Variants in OXNAD1 observed in about 807,000 individuals in gnomAD.
OXNAD1 encodes oxidoreductase NAD-binding domain-containing protein 1.
Under a neutral mutation model 32.9 loss-of-function variants are expected in OXNAD1, and 34 were observed. That is an observed-to-expected ratio of 1.03 (90% CI 0.79 to 1.38). OXNAD1 has a LOEUF of 1.38. OXNAD1 is among the 40% of genes most tolerant of loss of function. The pLI, the probability that OXNAD1 is intolerant of heterozygous loss-of-function variation, is 0.00. For missense variants in OXNAD1, 407 were observed against 379.4 expected (o/e 1.07, Z -0.60); for synonymous variants, 134 against 135.2 (o/e 0.99, Z 0.06).
intron 4 of OXNAD1, among the ~76,000 whole-genome samples, chr3:16,274,514 C>G (rs1200936173): frequency 6.6e-6 from 1 of 152,072 alleles, no homozygotes; most frequent in Admixed American, 6.5e-5. Flanking sequence ...GAGGATAATG[C>G]AATAGTTAAT....
chr3:16,331,352 C>T (rs937340632), intron 9 of OXNAD1, among the ~76,000 whole-genome samples: 2 of 152,194 alleles, frequency 1.3e-5, no homozygotes, highest in African/African-American at 4.8e-5. Flanking sequence ...CTCCCATAAA[C>T]ATTTCTTATT....
At chr3:16,283,706 G>A (rs2065900068) in intron 4 of OXNAD1, among the ~76,000 whole-genome samples, 1 of 152,160 alleles carries the variant, frequency 6.6e-6, no homozygotes, top group African/African-American at 2.4e-5. Flanking sequence ...ACCTGGAGTG[G>A]TAGAGGCAGT....
chr3:16,270,708 G>A (rs2064863479), intron 2 of OXNAD1, among the ~76,000 whole-genome samples: 1 of 152,090 alleles, frequency 6.6e-6, no homozygotes, highest in Non-Finnish European at 1.5e-5. Flanking sequence ...ATGAATATTT[G>A]ATAATACCAA....
At chr3:16,347,650 T>A (rs2071821445) in intron 9 of OXNAD1, 1 of 152,188 alleles carries the variant, frequency 6.6e-6, no homozygotes, top group Non-Finnish European at 1.5e-5. Flanking sequence ...GTACACCACC[T>A]CCTCTCTGGA....
chr3:16,319,495 T>C (rs1167206030), intron 9 of OXNAD1, among the ~76,000 whole-genome samples: 1 of 152,224 alleles, frequency 6.6e-6, no homozygotes, highest in Non-Finnish European at 1.5e-5. Context: ...CCCATTCATA[T>C]TGTATTTGAT....
rs772804707 is a variant in OXNAD1, at chr3:16,317,887, C to T, written c.*30+14295C>T. On this transcript the variant is annotated intron_variant, in intron 9 of 9. Transcript: ENST00000435829. The surrounding 1 kb of genome is among the most constrained non-coding windows in gnomAD (Gnocchi z 4.3). ...ATTTCCTGATCCCAATTTGGGATAA[C>T]GCAAATGCCATCCCAGCTCCAAGCC... 4.6e-5 allele frequency among the ~76,000 whole-genome samples: 7 copies of T among 152,182 alleles called. No homozygotes were observed. The highest frequency in any genetic ancestry group is 8.8e-5 in the Non-Finnish European group (6 of 68,028).
At chr3:16,273,644 C>T (rs895152969) in intron 4 of OXNAD1, among the ~76,000 whole-genome samples, 1 of 152,132 alleles carries the variant, frequency 6.6e-6, no homozygotes, top group African/African-American at 2.4e-5. Flanking sequence ...TCTCTTTGGC[C>T]TCCCAAAGTG....
In OXNAD1 at chr3:16,345,490, A is replaced by G. The variant is rs2071594756; in HGVS notation, c.*31-3686A>G. Among the ~76,000 whole-genome samples the G allele has an allele frequency of 6.6e-6, 1 of 152,204 alleles. No homozygotes were observed. Among genetic ancestry groups the G allele is most frequent in the South Asian group, 2.1e-4 (1 of 4,834 alleles). Reference sequence around the variant, plus strand: ...TGAATGGGTCAACTGAGTAGACCAGATGGCCCTCCCCAGTGTGGGTGGACA... The same window carrying G: ...TGAATGGGTCAACTGAGTAGACCAGGTGGCCCTCCCCAGTGTGGGTGGACA... On this transcript the variant is annotated intron_variant, in intron 9 of 9. Coordinates refer to the OXNAD1 transcript ENST00000606098. The surrounding 1 kb of genome is among the most constrained non-coding windows in gnomAD (Gnocchi z 5.2).
chr3:16,301,740 C>T lies in OXNAD1; in HGVS notation c.547C>T (p.Pro183Ser). The change falls in exon 7 of 9, where the codon CCT becomes TCT. Residue 183 changes from proline to serine, a missense_variant. Coordinates refer to ENST00000285083, the MANE Select transcript of OXNAD1 (RefSeq NM_138381.5). This position sits in a 1 kb window ranked among gnomAD's most constrained non-coding sequence, Gnocchi z 4.1. Reference protein sequence around the residue: ...VLIAGGVGINPLLSILRHAAD... With the variant: ...VLIAGGVGINSLLSILRHAAD... The stretch of plus-strand genomic sequence containing the variant: ...GATTGCAGGAGGAGTCGGAATTAAC[C>T]CTCTGCTTTCCATCCTGCGGCACGC... 1.2e-6 allele frequency: 2 copies of T among 1,614,002 alleles called. No individual in the cohort carries two copies. Among genetic ancestry groups the T allele is most frequent in the Non-Finnish European group, 1.7e-6 (2 of 1,179,984 alleles).
downstream of OXNAD1, among the ~76,000 whole-genome samples, chr3:16,308,548 CTTATT>C (rs796622054): frequency 4.0e-4 from 61 of 151,986 alleles, no homozygotes; most frequent in African/African-American, 2.4e-4. This position sits in a 1 kb window ranked among gnomAD's most constrained non-coding sequence, Gnocchi z 4.4. Context: ...GTTATTTCAT[CTTATT>C]TTATTTTAAA....
At chr3:16,270,699 T>C (rs2064862259) in intron 2 of OXNAD1, among the ~76,000 whole-genome samples, 2 of 152,218 alleles carry the variant, frequency 1.3e-5, no homozygotes, top group African/African-American at 4.8e-5. Flanking sequence ...ATAGAGAACA[T>C]GAATATTTGA....
At chr3:16,278,779 G>A (rs1212766495) in intron 4 of OXNAD1, among the ~76,000 whole-genome samples, 1 of 152,238 alleles carries the variant, frequency 6.6e-6, no homozygotes, top group Admixed American at 6.5e-5. Flanking sequence ...TGGCAGAGTG[G>A]TTAGTTAATA....
At chr3:16,273,954 A>G (rs1433921121) in intron 4 of OXNAD1, among the ~76,000 whole-genome samples, 2 of 152,084 alleles carry the variant, frequency 1.3e-5, no homozygotes, top group African/African-American at 4.8e-5. Context: ...CCACTTATCT[A>G]TAATTTCTTG....
rs941856484 is a variant in OXNAD1 at position 16,280,632 on chromosome 3, A to G, written c.184-5710A>G. ...TTTTTGTTTTAGGTCATCTCTAGTCATGGCTTTGCCTAAATTTTTAAGCCA... is the reference window on the plus strand; with the variant it reads ...TTTTTGTTTTAGGTCATCTCTAGTCGTGGCTTTGCCTAAATTTTTAAGCCA... On this transcript the variant is annotated intron_variant, in intron 4 of 8. Coordinates refer to ENST00000285083, the MANE Select transcript of OXNAD1 (RefSeq NM_138381.5). The surrounding 1 kb of genome is among the most constrained non-coding windows in gnomAD (Gnocchi z 4.5). 1.3e-5 allele frequency among the ~76,000 whole-genome samples: 2 copies of G among 152,200 alleles called. No individual in the cohort carries two copies. Among genetic ancestry groups the G allele is most frequent in the Non-Finnish European group, 2.9e-5 (2 of 68,034 alleles).
At chr3:16,350,018 A>G (rs2071985514) in exon 10 of OXNAD1, 1 of 152,230 alleles carries the variant, frequency 6.6e-6, no homozygotes, top group African/African-American at 2.4e-5. Context: ...TTACTCTTCT[A>G]CTGAGTGGAA....
In OXNAD1 at chr3:16,301,487, C is replaced by G. The variant is rs2292616; in HGVS notation, c.433-139C>G. The G allele has an allele frequency of 2.0e-6, 2 of 1,024,218 alleles. No homozygotes were observed. The highest frequency in any genetic ancestry group is 1.6e-5 in the African/African-American group (1 of 61,026). 63.4% of individuals were successfully genotyped at this position (1,024,218 alleles called of 1,614,324 possible). On this transcript the variant is annotated intron_variant, in intron 6 of 8. Transcript: ENST00000285083. The surrounding 1 kb of genome is among the most constrained non-coding windows in gnomAD (Gnocchi z 4.1). ...CAAGTGGAATCAATTCACAGGGCAT[C>G]GGGAAAATTGGGAGCAAGCTATAAA...
chr3:16,319,191 T>C (rs971233313), intron 9 of OXNAD1, among the ~76,000 whole-genome samples: 6 of 152,264 alleles, frequency 3.9e-5, no homozygotes, highest in African/African-American at 1.4e-4. Flanking sequence ...TATATCATTT[T>C]ACGTGTTTTT....
rs2068941355 is a variant in OXNAD1, at chr3:16,320,641, G to C, written c.*31-16471G>C. Among the ~76,000 whole-genome samples the C allele has an allele frequency of 6.6e-6, 1 of 152,242 alleles. No homozygotes were observed. Among genetic ancestry groups the C allele is most frequent in the South Asian group, 2.1e-4 (1 of 4,826 alleles). ...TTCCAGGGTAGTACAAAGGAGTCTG[G>C]TTTGGTATAAAAGGAGACAGCACTG... On this transcript the variant is annotated intron_variant, in intron 9 of 9. Transcript: ENST00000435829. The surrounding 1 kb of genome is among the most constrained non-coding windows in gnomAD (Gnocchi z 4.5).
At position 16,280,179 on chromosome 3, in the gene OXNAD1, C is replaced by A. The variant is rs1386403145; in HGVS notation, c.184-6163C>A. ...CTGCTGTTGTTGTTGTTACATGTTA[C>A]ATGAGGTGGGAGATCCTAGAGCTCG... is the stretch of plus-strand genomic sequence containing the variant. On this transcript the variant is annotated intron_variant, in intron 4 of 8. Transcript: ENST00000285083. The surrounding 1 kb of genome is among the most constrained non-coding windows in gnomAD (Gnocchi z 4.5). 1.3e-5 allele frequency among the ~76,000 whole-genome samples: 2 copies of A among 152,080 alleles called. No individual in the cohort carries two copies. Among genetic ancestry groups the A allele is most frequent in the Non-Finnish European group, 2.9e-5 (2 of 68,014 alleles).
Sources: gnomAD v4.1 joint callset for allele counts (sites outside exome capture counted in the v4.1 genomes callset) on GRCh38, gnomAD v4.1.1 for gene constraint, Gnocchi (gnomAD v3.1) non-coding constraint, MANE v1.5 for transcripts, NCBI Gene and HGNC (gene_info 2026-07-23, HGNC 2026-07-21) for gene names.